The following SAFB variants were observed in gnomAD, a reference collection of about 807,000 sequenced individuals.
The protein encoded by SAFB is scaffold attachment factor B1.
Under a neutral mutation model 101.6 loss-of-function variants are expected in SAFB, and 15 were observed. The ratio of observed to expected loss-of-function variants is 0.15; its 90% CI spans 0.10 to 0.23. SAFB has a LOEUF of 0.23. Among genes scored for constraint, SAFB ranks in the 10% least tolerant of loss-of-function variants. The probability of loss-of-function intolerance (pLI) is 1.00; values close to 1 mark genes in which losing one functional copy is unlikely to be tolerated. For missense variants in SAFB, 930 were observed against 1,104.1 expected (o/e 0.84, Z 2.23); for synonymous variants, 449 against 407.5 (o/e 1.10, Z -1.23).
At chr19:5,666,263 A>T (rs927736213) in intron 17 of SAFB, 1 of 152,202 alleles carries the variant, frequency 6.6e-6, no homozygotes, top group African/African-American at 2.4e-5. Flanking sequence ...TGTGGGTGTA[A>T]ATATTAACCT....
intron 17 of SAFB, 182 bp from the exon 18 acceptor site, chr19:5,666,864 G>A (rs2145500840): frequency 2.9e-6 from 2 of 700,588 alleles, no homozygotes; most frequent in Admixed American, 2.0e-5. Context: ...TGAGCCTAGG[G>A]CACAGGGCCT....
intron 17 of SAFB, 164 bp downstream of exon 17, chr19:5,664,603 T>C (rs1399258235): frequency 4.9e-6 from 3 of 612,068 alleles, no homozygotes; most frequent in Non-Finnish European, 8.7e-6. Context: ...AAATTTGGGA[T>C]TATTTGGGGT....
intron 14 of SAFB, 77 bp downstream of exon 14, chr19:5,657,424 G>C (rs2054088308): frequency 7.1e-6 from 7 of 982,644 alleles, no homozygotes; most frequent in Non-Finnish European, 1.1e-5. Flanking sequence ...GATGTTTGCA[G>C]AGTTCCCTGG....
intron 2 of SAFB, among the ~76,000 whole-genome samples, chr19:5,634,387 CAG>C (rs1297959205): frequency 2.6e-5 from 4 of 151,974 alleles, no homozygotes; most frequent in African/African-American, 9.7e-5. Flanking sequence ...TTGCAAACAA[CAG>C]AAAGTTTGAG....
intron 13 of SAFB, among the ~76,000 whole-genome samples, chr19:5,656,705 TAACTGAGATTAC>T (rs1209418577): frequency 6.6e-6 from 1 of 151,552 alleles, no homozygotes; most frequent in African/African-American, 2.4e-5. Flanking sequence ...TCCTCCAAAG[TAACTGAGATTAC>T]AAGCATGCGC....
At chr19:5,624,840 T>G (rs1462985937) in intron 1 of SAFB, among the ~76,000 whole-genome samples, 1 of 152,174 alleles carries the variant, frequency 6.6e-6, no homozygotes, top group African/African-American at 2.4e-5. Context: ...AGCCCACTGA[T>G]CTACATATTT....
At chr19:5,649,574 T>C (rs530254643) in intron 7 of SAFB, 75 bp downstream of exon 7, 2 of 391,524 alleles carry the variant, frequency 5.1e-6, no homozygotes, top group South Asian at 2.8e-5. Flanking sequence ...ATAAGCTGTT[T>C]TTTTCTGCAA....
intron 13 of SAFB, among the ~76,000 whole-genome samples, chr19:5,655,480 A>AG (rs2054037829): frequency 6.7e-6 from 1 of 149,832 alleles, no homozygotes; most frequent in Non-Finnish European, 1.5e-5. Flanking sequence ...AAAAAAAAAA[A>AG]CACACACCTA....
chr19:5,656,499 C>T (rs1236212931), intron 13 of SAFB, among the ~76,000 whole-genome samples: 2 of 151,530 alleles, frequency 1.3e-5, no homozygotes, highest in African/African-American at 4.8e-5. Flanking sequence ...TGGTCTCAAA[C>T]TCCTGACTTC....
chr19:5,668,312 T>C lies in SAFB; in HGVS notation c.*21T>C. 6.2e-7 allele frequency: 1 copy of C among 1,604,620 alleles called. No homozygotes were observed. The highest frequency in any genetic ancestry group is 1.7e-5 in the Admixed American group (1 of 57,278). ...ACTGAGTACTTGGAATCCTGTGTCCTGTCTCGTGGCAACAAGGCTATGTTC... is the reference window on the plus strand; with the variant it reads ...ACTGAGTACTTGGAATCCTGTGTCCCGTCTCGTGGCAACAAGGCTATGTTC... On this transcript the variant is annotated 3_prime_UTR_variant, in exon 21 of 21. Transcript: ENST00000588852.
In SAFB at chr19:5,641,876, C is replaced by A. The variant is rs780293472; in HGVS notation, c.476C>A (p.Ser159Tyr). The A allele has an allele frequency of 6.2e-7, 1 of 1,614,116 alleles. No individual in the cohort carries two copies. The highest frequency in any genetic ancestry group is 8.5e-7 in the Non-Finnish European group (1 of 1,180,020). ...EDDDADNLQE[S>Y]LSDSRELVEG... ...GATGATGCTGATAACCTCCAGGAGT[C>A]CCTGTCGGATAGTAGAGAGCTAGTC... is the stretch of plus-strand genomic sequence containing the variant. Residue 159 changes from serine (S) to tyrosine (Y), a missense_variant, in exon 4 of 21, where the codon TCC becomes TAC. Physicochemically the swap from Ser to Tyr is moderately radical, Grantham distance 144. Transcript: ENST00000588852.
chr19:5,644,804 T>C lies in SAFB; in HGVS notation c.547-533T>C, dbSNP rs370693398. Among the ~76,000 whole-genome samples, 36 of 152,304 alleles carry C rather than the reference T, an allele frequency of 2.4e-4. No homozygotes were observed. The East Asian group carries it at 3.7e-3, about 15-fold the overall frequency. ...TACTTCTTAGAATAAAAGCTATTCTTCCCCTGCAAGTAGGGCATAGGATAT... is the reference window on the plus strand; with the variant it reads ...TACTTCTTAGAATAAAAGCTATTCTCCCCCTGCAAGTAGGGCATAGGATAT... On this transcript the variant is annotated intron_variant, in intron 4 of 20. Transcript: ENST00000588852.
intron 16 of SAFB, 52 bp from the exon 17 acceptor site, chr19:5,664,345 T>C: frequency 6.4e-7 from 1 of 1,553,272 alleles, no homozygotes; most frequent in Non-Finnish European, 8.9e-7. Flanking sequence ...GTCCTCTCTT[T>C]GTGAACAAGC....
chr19:5,660,832 TGGG>T (rs1038629736), intron 14 of SAFB, among the ~76,000 whole-genome samples: 19 of 151,474 alleles, frequency 1.3e-4, no homozygotes, highest in African/African-American at 4.1e-4. Context: ...TCCTTACACT[TGGG>T]GGGCCTGCTA....
At chr19:5,644,865 G>A (rs1299133930) in intron 4 of SAFB, among the ~76,000 whole-genome samples, 2 of 152,168 alleles carry the variant, frequency 1.3e-5, no homozygotes, top group Non-Finnish European at 2.9e-5. Flanking sequence ...CCCTCATGCT[G>A]GGAGATGCTG....
In SAFB at chr19:5,654,114, A is replaced by C. The variant is rs944234301; in HGVS notation, c.1580A>C (p.Lys527Thr). 6.2e-7 allele frequency: 1 copy of C among 1,614,188 alleles called. No homozygotes were observed. Among genetic ancestry groups the C allele is most frequent in the Non-Finnish European group, 8.5e-7 (1 of 1,179,990 alleles). The change falls in exon 12 of 21, where the codon AAG becomes ACG. Residue 527 changes from lysine to threonine, a missense_variant. Physicochemically the swap from Lys to Thr is moderately conservative, Grantham distance 78. Around this residue, in one of 7 missense-constraint regions of SAFB, gnomAD observed 92 missense variants for 83.8 expected, o/e 1.10. Coordinates refer to ENST00000588852, the MANE Select transcript of SAFB (RefSeq NM_001201338.2). ...TGTGACAGAAAAGATGATGCTAAGA[A>C]GGGTGACGACGGAAGTGGAGAAAAG... ...DKCDRKDDAK[K>T]GDDGSGEKSK...
intron 2 of SAFB, among the ~76,000 whole-genome samples, chr19:5,634,571 C>T (rs2053557191): frequency 6.6e-6 from 1 of 152,022 alleles, no homozygotes; most frequent in African/African-American, 2.4e-5. Flanking sequence ...AAAGTTTTAA[C>T]TCTCTGTTAA....
chr19:5,660,721 A>C (rs981814778), intron 14 of SAFB, among the ~76,000 whole-genome samples: 2 of 150,692 alleles, frequency 1.3e-5, no homozygotes, highest in African/African-American at 4.9e-5. Context: ...AAAAAAAAAA[A>C]AAAAAAAGAC....
intron 8 of SAFB, among the ~76,000 whole-genome samples, chr19:5,650,310 A>G (rs2053909458): frequency 6.6e-6 from 1 of 152,208 alleles, no homozygotes; most frequent in Non-Finnish European, 1.5e-5. Flanking sequence ...CATGGGATAG[A>G]TACAGAGCTA....
Sources: allele counts gnomAD v4.1 joint callset (sites outside exome capture counted in the v4.1 genomes callset), GRCh38; gene constraint gnomAD v4.1.1; regional missense constraint gnomAD v4.1.1; transcripts MANE v1.5; gene names NCBI Gene and HGNC (gene_info 2026-07-23, HGNC 2026-07-21).